Variants in FCHSD2 observed in about 807,000 individuals in gnomAD.
The protein encoded by FCHSD2 is FCH and double SH3 domains 2.
FCHSD2 carries 38 observed loss-of-function variants against 108.1 expected under a neutral mutation model. That is an observed-to-expected ratio of 0.35 (90% confidence interval 0.27 to 0.46). FCHSD2 has a LOEUF of 0.46. Ranked by LOEUF, FCHSD2 falls within the 20% of genes least tolerant of loss-of-function variation. FCHSD2 has a pLI of 1.00. For synonymous variants in FCHSD2, 279 were observed against 314.7 expected (o/e 0.89, Z 1.20); for missense variants, 751 against 897.8 (o/e 0.84, Z 2.09).
At chr11:73,129,396 G>A (rs1232275008) in intron 2 of FCHSD2, among the ~76,000 whole-genome samples, 1 of 152,082 alleles carries the variant, frequency 6.6e-6, no homozygotes, top group Admixed American at 6.6e-5. Flanking sequence ...ACTTACAGCC[G>A]CCCCCGCATT....
chr11:73,003,926 G>C (rs140146646), intron 4 of FCHSD2, among the ~76,000 whole-genome samples: 2 of 151,208 alleles, frequency 1.3e-5, no homozygotes, highest in Non-Finnish European at 3.0e-5. Flanking sequence ...GGCCAACACG[G>C]TGAAATCCCG....
chr11:72,948,514 T>C (rs1231867404), intron 8 of FCHSD2, among the ~76,000 whole-genome samples: 4 of 152,192 alleles, frequency 2.6e-5, no homozygotes, highest in African/African-American at 9.7e-5. Context: ...AAGAATATAG[T>C]TTATTTTAAA....
In FCHSD2 at chr11:72,923,887, C is replaced by T. The variant is rs114582333; in HGVS notation, c.706-1937G>A. 9.5e-3 allele frequency among the ~76,000 whole-genome samples: 1,444 copies of T among 152,124 alleles called. 24 individuals are homozygous for T. Among genetic ancestry groups the T allele is most frequent in the African/African-American group, 0.032 (1,319 of 41,480 alleles). On this transcript the variant is annotated intron_variant, in intron 8 of 19. Coordinates refer to ENST00000409418, the MANE Select transcript of FCHSD2 (RefSeq NM_014824.3). ...CCAGGAGGTGGAGGTTGCAGTAAGC[C>T]GAGTTTGTGCTATTGAAATACAGCT...
chr11:73,070,814 C>T (rs1859419315), intron 3 of FCHSD2, among the ~76,000 whole-genome samples: 1 of 151,772 alleles, frequency 6.6e-6, no homozygotes, highest in Non-Finnish European at 1.5e-5. Flanking sequence ...TAATAACTAA[C>T]CAACACCTCA....
At chr11:72,849,007 C>A (rs1310415064) in intron 14 of FCHSD2, among the ~76,000 whole-genome samples, 1 of 152,134 alleles carries the variant, frequency 6.6e-6, no homozygotes, top group Non-Finnish European at 1.5e-5. Context: ...GGATGTTAAA[C>A]TCAAAACAAG....
At chr11:73,013,575 C>T (rs1338091930) in intron 4 of FCHSD2, among the ~76,000 whole-genome samples, 2 of 152,150 alleles carry the variant, frequency 1.3e-5, no homozygotes, top group Non-Finnish European at 2.9e-5. Flanking sequence ...AGCTATCTGA[C>T]CTTGAGTAAG....
At chr11:72,913,393 C>T (rs540303537) in intron 9 of FCHSD2, among the ~76,000 whole-genome samples, 17 of 152,262 alleles carry the variant, frequency 1.1e-4, no homozygotes, top group African/African-American at 3.4e-4. Context: ...CTCAGCCTCC[C>T]GAGCAGCTGG....
chr11:73,035,460 C>A (rs933584737), intron 3 of FCHSD2, among the ~76,000 whole-genome samples: 1 of 152,040 alleles, frequency 6.6e-6, no homozygotes, highest in African/African-American at 2.4e-5. Context: ...TGAGCCACTG[C>A]GCCTGGCCAT....
At chr11:73,070,003 T>G (rs1859394945) in intron 3 of FCHSD2, among the ~76,000 whole-genome samples, 1 of 152,204 alleles carries the variant, frequency 6.6e-6, no homozygotes, top group East Asian at 1.9e-4. Flanking sequence ...ATACATGGGC[T>G]TGAATTTTCA....
intron 3 of FCHSD2, 99 bp from the exon 4 acceptor site, chr11:73,015,984 T>C (rs1857963273): frequency 4.3e-6 from 3 of 693,722 alleles, no homozygotes; most frequent in South Asian, 2.0e-5. Flanking sequence ...TTTTTCCAAA[T>C]GTAAATTTAA....
chr11:73,036,279 G>C (rs898984161), intron 3 of FCHSD2, among the ~76,000 whole-genome samples: 1 of 151,556 alleles, frequency 6.6e-6, no homozygotes, highest in African/African-American at 2.4e-5. Context: ...ATTTTGAAAT[G>C]TGTGAAGGGT....
At chr11:72,860,240 G>C (rs1161213830) in intron 13 of FCHSD2, among the ~76,000 whole-genome samples, 2 of 152,142 alleles carry the variant, frequency 1.3e-5, no homozygotes, top group African/African-American at 4.8e-5. Context: ...TAAAAGGTTC[G>C]TTCCAGTCTA....
At chr11:72,864,189 T>C (rs1214127088) in intron 13 of FCHSD2, among the ~76,000 whole-genome samples, 1 of 152,174 alleles carries the variant, frequency 6.6e-6, no homozygotes, top group African/African-American at 2.4e-5. Context: ...GATGTTAACA[T>C]TGTGGGCTAT....
At chr11:73,133,048 C>T (rs945495174) in intron 2 of FCHSD2, among the ~76,000 whole-genome samples, 5 of 152,046 alleles carry the variant, frequency 3.3e-5, no homozygotes, top group African/African-American at 7.2e-5. Flanking sequence ...GAAAAATGCA[C>T]GTCAAAGCCA....
At chr11:72,952,482 G>A (rs749069973) in intron 8 of FCHSD2, among the ~76,000 whole-genome samples, 6 of 151,900 alleles carry the variant, frequency 3.9e-5, no homozygotes, top group Non-Finnish European at 8.8e-5. Context: ...GTGTCACCAC[G>A]CCCAGCTAAT....
intron 3 of FCHSD2, among the ~76,000 whole-genome samples, chr11:73,055,281 C>G (rs1858998373): frequency 6.6e-6 from 1 of 151,448 alleles, no homozygotes; most frequent in African/African-American, 2.4e-5. Context: ...CACAGCCAAA[C>G]CGTATTAGCC....
At chr11:73,054,643 G>C (rs185156277) in intron 3 of FCHSD2, among the ~76,000 whole-genome samples, 4 of 151,844 alleles carry the variant, frequency 2.6e-5, no homozygotes, top group African/African-American at 4.8e-5. Context: ...ACAAACAGAG[G>C]GGGTGGAGGA....
chr11:72,913,845 A>AC (rs1855816935), intron 9 of FCHSD2, among the ~76,000 whole-genome samples: 3 of 151,568 alleles, frequency 2.0e-5, no homozygotes, highest in South Asian at 4.2e-4. Context: ...CAAAAAAAAA[A>AC]ACCCTAGAAA....
intron 10 of FCHSD2, among the ~76,000 whole-genome samples, chr11:72,891,278 G>C (rs1483899932): frequency 6.6e-6 from 1 of 152,210 alleles, no homozygotes; most frequent in Non-Finnish European, 1.5e-5. Context: ...GATAGAGTAA[G>C]TAGAAATTGA....
Sources: allele counts gnomAD v4.1 joint callset (sites outside exome capture counted in the v4.1 genomes callset), GRCh38; gene constraint gnomAD v4.1.1; transcripts MANE v1.5; gene names NCBI Gene and HGNC (gene_info 2026-07-23, HGNC 2026-07-21).